Variants in SLC22A3 observed in about 807,000 individuals in gnomAD.
SLC22A3 encodes solute carrier family 22 member 3.
SLC22A3 carries 51 observed loss-of-function variants against 59.1 expected under a neutral mutation model. That is an observed-to-expected ratio of 0.86 (90% CI 0.69 to 1.09). SLC22A3 has a LOEUF of 1.09. Among genes scored for constraint, SLC22A3 ranks in the 50% least tolerant of loss-of-function variants. SLC22A3 has a pLI of 0.00. For synonymous variants in SLC22A3, 325 were observed against 292.0 expected (o/e 1.11, Z -1.15); for missense variants, 711 against 726.3 (o/e 0.98, Z 0.24).
chr6:160,425,840 CATT>C (rs1787931492), intron 5 of SLC22A3: 1 of 985,162 alleles, frequency 1.0e-6, no homozygotes, highest in Non-Finnish European at 1.2e-6. Flanking sequence ...CACAATATAA[CATT>C]AATGCAGATT....
chr6:160,365,204 G>C (rs1785163962), intron 1 of SLC22A3, among the ~76,000 whole-genome samples: 1 of 152,140 alleles, frequency 6.6e-6, no homozygotes, highest in South Asian at 2.1e-4. Context: ...ATGTTAAACT[G>C]TCTTCAGCAT....
intron 1 of SLC22A3, among the ~76,000 whole-genome samples, chr6:160,378,906 A>T (rs1785695529): frequency 6.6e-6 from 1 of 152,246 alleles, no homozygotes. Flanking sequence ...TTCCCAGCAT[A>T]TATGACTAGC....
chr6:160,349,815 C>A (rs547345912), intron 1 of SLC22A3, among the ~76,000 whole-genome samples: 2 of 152,300 alleles, frequency 1.3e-5, no homozygotes, highest in African/African-American at 4.8e-5. Flanking sequence ...TGTCTACAAT[C>A]ACAGCTTAAG....
At chr6:160,366,373 G>A (rs370959776) in intron 1 of SLC22A3, among the ~76,000 whole-genome samples, 10 of 152,198 alleles carry the variant, frequency 6.6e-5, no homozygotes, top group African/African-American at 2.2e-4. Context: ...GCCACATCCA[G>A]GTTACACTGA....
At chr6:160,364,329 G>A (rs541661242) in intron 1 of SLC22A3, among the ~76,000 whole-genome samples, 12 of 152,158 alleles carry the variant, frequency 7.9e-5, no homozygotes, top group Non-Finnish European at 1.3e-4. Context: ...TGCTGCTTAC[G>A]CTTTCTTCTT....
intron 9 of SLC22A3, among the ~76,000 whole-genome samples, chr6:160,445,304 C>T (rs1302525530): frequency 1.3e-5 from 2 of 152,166 alleles, no homozygotes; most frequent in Admixed American, 6.5e-5. Context: ...ATGCCGCATC[C>T]TCAAGCACCT....
At chr6:160,367,457 C>A (rs1295511582) in intron 1 of SLC22A3, among the ~76,000 whole-genome samples, 2 of 152,198 alleles carry the variant, frequency 1.3e-5, no homozygotes, top group Admixed American at 1.3e-4. Context: ...TTTACTGAAG[C>A]ATTTTCCCCT....
At chr6:160,443,337 C>T (rs1157586331) in intron 8 of SLC22A3, among the ~76,000 whole-genome samples, 1 of 152,230 alleles carries the variant, frequency 6.6e-6, no homozygotes. Context: ...GGGCACACTT[C>T]TCCCTCAGAT....
chr6:160,417,952 T>C (rs1787569801), intron 5 of SLC22A3, among the ~76,000 whole-genome samples: 1 of 152,238 alleles, frequency 6.6e-6, no homozygotes, highest in Non-Finnish European at 1.5e-5. Flanking sequence ...ACACATGAGA[T>C]AAATGAATGC....
At chr6:160,376,241 A>G (rs921018621) in intron 1 of SLC22A3, among the ~76,000 whole-genome samples, 5 of 152,138 alleles carry the variant, frequency 3.3e-5, no homozygotes, top group Non-Finnish European at 5.9e-5. Context: ...CTAACACAGG[A>G]ACAGAAAACC....
At chr6:160,360,895 G>A (rs190902681) in intron 1 of SLC22A3, among the ~76,000 whole-genome samples, 1 of 152,256 alleles carries the variant, frequency 6.6e-6, no homozygotes, top group East Asian at 1.9e-4. Context: ...AGAGGCCAAG[G>A]GAGTCATTCT....
At chr6:160,448,712 A>G (rs560045226) in intron 10 of SLC22A3, among the ~76,000 whole-genome samples, 1 of 152,288 alleles carries the variant, frequency 6.6e-6, no homozygotes, top group East Asian at 1.9e-4. Context: ...TCATTAAAAC[A>G]TAGAGATATG....
At chr6:160,449,605 T>C (rs570337683) in intron 10 of SLC22A3, among the ~76,000 whole-genome samples, 1 of 152,212 alleles carries the variant, frequency 6.6e-6, no homozygotes, top group Non-Finnish European at 1.5e-5. Flanking sequence ...CTGGTTTTTG[T>C]TCATGTTAAC....
chr6:160,437,600 A>G (rs1032327901), intron 7 of SLC22A3, among the ~76,000 whole-genome samples: 1 of 152,226 alleles, frequency 6.6e-6, no homozygotes, highest in Non-Finnish European at 1.5e-5. Context: ...CGCAGTCTTG[A>G]CTTCGAATGG....
intron 1 of SLC22A3, among the ~76,000 whole-genome samples, chr6:160,373,072 C>A (rs551778269): frequency 6.6e-6 from 1 of 152,264 alleles, no homozygotes; most frequent in South Asian, 2.1e-4. Context: ...GATCCCTTGG[C>A]GAGAAGCAGT....
At chr6:160,357,523 C>T (rs1426457532) in intron 1 of SLC22A3, among the ~76,000 whole-genome samples, 2 of 152,170 alleles carry the variant, frequency 1.3e-5, no homozygotes, top group Admixed American at 6.5e-5. Context: ...GTGCCAGGAG[C>T]TCCTATACTA....
In SLC22A3 at chr6:160,432,545, AGCC is replaced by A. The variant is rs549243859; in HGVS notation, c.976-4234_976-4232del. Among the ~76,000 whole-genome samples, 843 of 151,292 alleles carry A rather than the reference AGCC, an allele frequency of 5.6e-3. 6 individuals carry two copies. Among genetic ancestry groups the A allele is most frequent in the African/African-American group, 0.02 (820 of 41,160 alleles). On this transcript the variant is annotated intron_variant, in intron 5 of 10. Coordinates refer to ENST00000275300, the MANE Select transcript of SLC22A3 (RefSeq NM_021977.4). ...CAGGTTCAAACGATTCTCCTGCCTC[AGCC>A]TCCCGAGTAGCTGGGATTACAGATG...
At chr6:160,362,167 C>T (rs887805674) in intron 1 of SLC22A3, among the ~76,000 whole-genome samples, 2 of 152,230 alleles carry the variant, frequency 1.3e-5, no homozygotes, top group Admixed American at 6.5e-5. Context: ...ATGCTGCGAC[C>T]TCAGAACACG....
At chr6:160,397,658 C>T (rs959660212) in intron 1 of SLC22A3, among the ~76,000 whole-genome samples, 5 of 149,868 alleles carry the variant, frequency 3.3e-5, no homozygotes, top group East Asian at 2.0e-4. Flanking sequence ...CGCTTGAACC[C>T]GAGAGGCAGA....
Sources: gnomAD v4.1 joint callset for allele counts (sites outside exome capture counted in the v4.1 genomes callset) on GRCh38, gnomAD v4.1.1 for gene constraint, MANE v1.5 for transcripts, NCBI Gene and HGNC (gene_info 2026-07-23, HGNC 2026-07-21) for gene names.